Variants in B3GALT1 observed in about 807,000 individuals in gnomAD.
The protein encoded by B3GALT1 is UDP-Gal:betaGlcNAc beta 1,3-galactosyltransferase, polypeptide 1.
Under a neutral mutation model 23.2 loss-of-function variants are expected in B3GALT1, and 10 were observed. The observed-to-expected ratio is 0.43, with a 90% CI of 0.27 to 0.73. The LOEUF is 0.73. Ranked by LOEUF, B3GALT1 falls within the 30% of genes least tolerant of loss-of-function variation. The pLI, the probability that B3GALT1 is intolerant of heterozygous loss-of-function variation, is 0.21. For missense variants in B3GALT1, 299 were observed against 405.4 expected (o/e 0.74, Z 2.25); for synonymous variants, 156 against 141.5 (o/e 1.10, Z -0.73).
chr2:167,836,675 A>G (rs1689482218), intron 4 of B3GALT1, among the ~76,000 whole-genome samples: 1 of 152,194 alleles, frequency 6.6e-6, no homozygotes, highest in African/African-American at 2.4e-5. Flanking sequence ...AAATACAGAG[A>G]ACACCACAAA....
intron 2 of B3GALT1, among the ~76,000 whole-genome samples, chr2:167,552,476 TAAA>T (rs1225379105): frequency 2.6e-5 from 4 of 152,324 alleles, no homozygotes; most frequent in African/African-American, 9.6e-5. Flanking sequence ...TATACTATAA[TAAA>T]GTAGATAAGT....
intron 3 of B3GALT1, among the ~76,000 whole-genome samples, chr2:167,658,493 A>G (rs1004007051): frequency 6.6e-6 from 1 of 152,060 alleles, no homozygotes; most frequent in African/African-American, 2.4e-5. Context: ...GAGAAGAACT[A>G]TTTGCTCCTG....
intron 1 of B3GALT1, among the ~76,000 whole-genome samples, chr2:167,409,165 C>G (rs1182744029): frequency 6.6e-6 from 1 of 152,198 alleles, no homozygotes; most frequent in Non-Finnish European, 1.5e-5. Context: ...TGACCTTTCT[C>G]TCTGGCTGTT....
At chr2:167,522,082 G>A (rs912384435) in intron 2 of B3GALT1, among the ~76,000 whole-genome samples, 17 of 149,568 alleles carry the variant, frequency 1.1e-4, no homozygotes, top group East Asian at 4.0e-4. Context: ...AAATATATTA[G>A]GAATTACTGA....
chr2:167,676,480 TAC>T (rs529954890), intron 3 of B3GALT1, among the ~76,000 whole-genome samples: 1,899 of 149,370 alleles, frequency 0.013, 46 homozygotes, highest in African/African-American at 0.044. Context: ...TATATATATA[TAC>T]ACACACACAC....
chr2:167,483,302 A>G (rs1699585283), intron 1 of B3GALT1, among the ~76,000 whole-genome samples: 1 of 152,130 alleles, frequency 6.6e-6, no homozygotes, highest in Non-Finnish European at 1.5e-5. Context: ...TCAAAACAAC[A>G]ACAACAAAAA....
chr2:167,335,169 TC>T (rs1012255351), intron 1 of B3GALT1, among the ~76,000 whole-genome samples: 3 of 151,458 alleles, frequency 2.0e-5, no homozygotes, highest in African/African-American at 7.3e-5. Flanking sequence ...ATCTGTTTTT[TC>T]CAAAACTTTC....
At chr2:167,332,318 A>G (rs1380093881) in intron 1 of B3GALT1, among the ~76,000 whole-genome samples, 1 of 152,162 alleles carries the variant, frequency 6.6e-6, no homozygotes, top group Non-Finnish European at 1.5e-5. Flanking sequence ...AACGATTTTT[A>G]CCTAATAAAT....
intron 4 of B3GALT1, among the ~76,000 whole-genome samples, chr2:167,856,090 A>G (rs1452113479): frequency 2.0e-5 from 3 of 152,196 alleles, no homozygotes; most frequent in Non-Finnish European, 4.4e-5. Context: ...AAAGAAAAAT[A>G]AAACACATCT....
At chr2:167,513,275 A>G (rs1700055744) in intron 2 of B3GALT1, among the ~76,000 whole-genome samples, 1 of 152,108 alleles carries the variant, frequency 6.6e-6, no homozygotes, top group African/African-American at 2.4e-5. Flanking sequence ...AACATGGAGA[A>G]TGGGAAAATA....
intron 1 of B3GALT1, among the ~76,000 whole-genome samples, chr2:167,306,616 G>T (rs571022558): frequency 6.6e-6 from 1 of 152,064 alleles, no homozygotes; most frequent in East Asian, 1.9e-4. Context: ...TTATATAGGT[G>T]AGTTTATCAC....
At chr2:167,354,347 CTTTT>C (rs373088288) in intron 1 of B3GALT1, among the ~76,000 whole-genome samples, 24 of 115,026 alleles carry the variant, frequency 2.1e-4, no homozygotes, top group Admixed American at 1.8e-4. Flanking sequence ...GGTAAATCTT[CTTTT>C]TTTTTTTTTT....
chr2:167,564,640 C>T (rs1684116346), intron 2 of B3GALT1, among the ~76,000 whole-genome samples: 1 of 152,208 alleles, frequency 6.6e-6, no homozygotes, highest in African/African-American at 2.4e-5. Context: ...GCCGGCGGAT[C>T]ACTCGTGGCT....
chr2:167,616,204 A>G (rs1685158496), intron 2 of B3GALT1, among the ~76,000 whole-genome samples: 2 of 152,112 alleles, frequency 1.3e-5, no homozygotes, highest in African/African-American at 4.8e-5. Context: ...TAATGATTCA[A>G]ATGTTGAATA....
chr2:167,699,380 ATTTTTTTTTTT>A (rs1169813738), intron 3 of B3GALT1, among the ~76,000 whole-genome samples: 24 of 100,194 alleles, frequency 2.4e-4, no homozygotes, highest in African/African-American at 6.4e-4. Context: ...CATTATTTCT[ATTTTTTTTTTT>A]TTTTTTTTTT....
chr2:167,815,739 A>G (rs990151943), intron 3 of B3GALT1, among the ~76,000 whole-genome samples: 1 of 152,348 alleles, frequency 6.6e-6, no homozygotes, highest in East Asian at 1.9e-4. Flanking sequence ...TATTAATGAA[A>G]TGTAATGGAA....
At chr2:167,559,305 T>C (rs1261984108) in intron 2 of B3GALT1, among the ~76,000 whole-genome samples, 1 of 152,128 alleles carries the variant, frequency 6.6e-6, no homozygotes, top group East Asian at 1.9e-4. Context: ...AACCCATCTG[T>C]ACATCACCAT....
chr2:167,831,653 G>T (rs1434055036), intron 4 of B3GALT1, among the ~76,000 whole-genome samples: 1 of 152,178 alleles, frequency 6.6e-6, no homozygotes, highest in Non-Finnish European at 1.5e-5. Flanking sequence ...TTTAAAGGTG[G>T]ATTACTAAGT....
chr2:167,366,533 A>C (rs188287516), intron 1 of B3GALT1, among the ~76,000 whole-genome samples: 156 of 152,316 alleles, frequency 1.0e-3, no homozygotes, highest in African/African-American at 3.5e-3. Flanking sequence ...GGGTTCATCA[A>C]AACATGATAA....
Sources: gnomAD v4.1 joint callset for allele counts (sites outside exome capture counted in the v4.1 genomes callset) on GRCh38, gnomAD v4.1.1 for gene constraint, MANE v1.5 for transcripts, NCBI Gene and HGNC (gene_info 2026-07-23, HGNC 2026-07-21) for gene names.